CTNND2: variants seen among roughly 807,000 people sequenced by gnomAD.
CTNND2 encodes the protein catenin delta-2.
In CTNND2, 22 loss-of-function variants were observed where a neutral mutation model predicts 144.4. The ratio of observed to expected loss-of-function variants is 0.15; its 90% CI spans 0.11 to 0.22. CTNND2 has a LOEUF of 0.22. Among genes scored for constraint, CTNND2 ranks in the 10% least tolerant of loss-of-function variants. The pLI is 1.00. For synonymous variants in CTNND2, 751 were observed against 695.6 expected (o/e 1.08, Z -1.25); for missense variants, 1,353 against 1,618.8 (o/e 0.84, Z 2.82).
intron 2 of CTNND2, among the ~76,000 whole-genome samples, chr5:11,730,315 G>A (rs1221127683): frequency 6.6e-6 from 1 of 152,060 alleles, no homozygotes; most frequent in Non-Finnish European, 1.5e-5. Context: ...TTCCCTGTGA[G>A]ATTTATTTCT....
intron 12 of CTNND2, among the ~76,000 whole-genome samples, chr5:11,128,815 T>TAATATATA (rs1755006321): frequency 2.9e-5 from 1 of 34,624 alleles, no homozygotes; most frequent in Non-Finnish European, 8.7e-5. Flanking sequence ...ACAATATATA[T>TAATATATA]AATATATATT....
intron 9 of CTNND2, among the ~76,000 whole-genome samples, chr5:11,286,851 C>T (rs1249836233): frequency 6.6e-6 from 1 of 152,218 alleles, no homozygotes; most frequent in African/African-American, 2.4e-5. Flanking sequence ...TACTCTTCCA[C>T]ATTTGCCCAG....
chr5:11,474,850 C>T (rs1767568714), intron 3 of CTNND2, among the ~76,000 whole-genome samples: 1 of 152,156 alleles, frequency 6.6e-6, no homozygotes, highest in African/African-American at 2.4e-5. Flanking sequence ...TTACCAATTA[C>T]CTTCCATGGT....
At chr5:11,374,115 A>G (rs1167113503) in intron 7 of CTNND2, among the ~76,000 whole-genome samples, 1 of 152,080 alleles carries the variant, frequency 6.6e-6, no homozygotes, top group Non-Finnish European at 1.5e-5. Flanking sequence ...TCTTGCTATA[A>G]AGAACTACTG....
intron 9 of CTNND2, among the ~76,000 whole-genome samples, chr5:11,240,156 TCACACACACACCAA>T (rs1742078029): frequency 3.3e-5 from 1 of 30,222 alleles, no homozygotes; most frequent in South Asian, 1.1e-3. Context: ...ACACACACAT[TCACACACACACCAA>T]CACACACACT....
At chr5:11,121,762 C>T (rs767138218) in intron 12 of CTNND2, among the ~76,000 whole-genome samples, 14 of 152,150 alleles carry the variant, frequency 9.2e-5, no homozygotes, top group Admixed American at 2.6e-4. Context: ...TGTATGACTA[C>T]GGCATTTTCC....
intron 18 of CTNND2, among the ~76,000 whole-genome samples, chr5:10,999,792 C>T (rs1739733742): frequency 6.6e-6 from 1 of 152,204 alleles, no homozygotes; most frequent in Admixed American, 6.5e-5. Flanking sequence ...CCACCAGGAA[C>T]AATCTGATGT....
chr5:11,769,601 A>C (rs1789802324), intron 1 of CTNND2, among the ~76,000 whole-genome samples: 1 of 152,200 alleles, frequency 6.6e-6, no homozygotes, highest in Non-Finnish European at 1.5e-5. Flanking sequence ...TCACTGAAAC[A>C]GACACTTAAT....
chr5:11,835,592 G>T (rs940448610), intron 1 of CTNND2, among the ~76,000 whole-genome samples: 1 of 152,098 alleles, frequency 6.6e-6, no homozygotes, highest in Non-Finnish European at 1.5e-5. Context: ...TGTCAAATAT[G>T]TATATACAAT....
intron 3 of CTNND2, among the ~76,000 whole-genome samples, chr5:11,508,917 A>G (rs1771353050): frequency 1.3e-5 from 2 of 152,168 alleles, no homozygotes; most frequent in South Asian, 4.1e-4. Context: ...TTTCAAAAAA[A>G]AAAAAAATTC....
chr5:11,777,116 ATTACT>A (rs1384439237), intron 1 of CTNND2, among the ~76,000 whole-genome samples: 1 of 152,210 alleles, frequency 6.6e-6, no homozygotes, highest in Non-Finnish European at 1.5e-5. Flanking sequence ...CTCACTTTCA[ATTACT>A]TTGTTTTAAT....
At chr5:11,083,107 G>A (rs1000501091) in intron 15 of CTNND2, among the ~76,000 whole-genome samples, 1 of 152,210 alleles carries the variant, frequency 6.6e-6, no homozygotes, top group African/African-American at 2.4e-5. Flanking sequence ...TTCAGTACTT[G>A]AAGTTGAAAG....
At chr5:11,880,211 C>G (rs965087956) in intron 1 of CTNND2, among the ~76,000 whole-genome samples, 2 of 151,904 alleles carry the variant, frequency 1.3e-5, no homozygotes, top group African/African-American at 4.8e-5. Context: ...TAAGAGGGGC[C>G]CAGAAATTTA....
intron 2 of CTNND2, among the ~76,000 whole-genome samples, chr5:11,610,216 T>C (rs988086170): frequency 6.6e-6 from 1 of 152,136 alleles, no homozygotes; most frequent in Non-Finnish European, 1.5e-5. Context: ...GTGACCTTCA[T>C]AAATGGATCC....
chr5:11,801,165 CA>C lies in CTNND2; in HGVS notation c.38-68894del, dbSNP rs1248377732. 6.6e-5 allele frequency among the ~76,000 whole-genome samples: 10 copies of C among 152,292 alleles called. No individual in the cohort carries two copies. The East Asian group carries it at 1.4e-3, about 21-fold the overall frequency. On this transcript the variant is annotated intron_variant, in intron 1 of 21. Transcript: ENST00000304623. ...CGTTGTTGTTCTGTGAGTTAAATAG[CA>C]CACTGGCAAAATGTCTTGTTAGCTG...
intron 2 of CTNND2, among the ~76,000 whole-genome samples, chr5:11,596,829 T>A (rs572920789): frequency 6.6e-6 from 1 of 152,308 alleles, no homozygotes; most frequent in South Asian, 2.1e-4. Context: ...TGTCTAGGAC[T>A]CTAGTGTTCT....
At chr5:11,167,871 T>G (rs1395341867) in intron 11 of CTNND2, among the ~76,000 whole-genome samples, 12 of 149,948 alleles carry the variant, frequency 8.0e-5, no homozygotes, top group Non-Finnish European at 8.9e-5. Context: ...TACCTGACTT[T>G]TTTTTTTTTT....
chr5:11,759,783 ACAGCAATG>A (rs1466111935), intron 1 of CTNND2, among the ~76,000 whole-genome samples: 3 of 152,116 alleles, frequency 2.0e-5, no homozygotes, highest in Non-Finnish European at 4.4e-5. Context: ...CTCAACTAAT[ACAGCAATG>A]CTATGCAGTA....
chr5:11,851,712 G>T (rs1480191152), intron 1 of CTNND2, among the ~76,000 whole-genome samples: 2 of 152,206 alleles, frequency 1.3e-5, no homozygotes, highest in Non-Finnish European at 2.9e-5. Flanking sequence ...CTGCTGCCAA[G>T]TCTCCACATT....
Sources: gnomAD v4.1 joint callset for allele counts (sites outside exome capture counted in the v4.1 genomes callset) on GRCh38, gnomAD v4.1.1 for gene constraint, MANE v1.5 for transcripts, NCBI Gene and HGNC (gene_info 2026-07-23, HGNC 2026-07-21) for gene names.